The following IL1RAPL2 variants were observed in gnomAD, a reference collection of about 807,000 sequenced individuals.
IL1RAPL2 encodes the protein interleukin 1 receptor accessory protein like 2.
IL1RAPL2 carries 3 observed loss-of-function variants against 44.1 expected under a neutral mutation model. The ratio of observed to expected loss-of-function variants is 0.07; its 90% CI spans 0.03 to 0.18. IL1RAPL2 has a LOEUF of 0.18. Among genes scored for constraint, IL1RAPL2 ranks in the 10% least tolerant of loss-of-function variants. The pLI is 1.00. For synonymous variants in IL1RAPL2, 181 were observed against 178.8 expected, an observed-to-expected ratio of 1.01 and a Z score of -0.10; for missense variants, 391 against 496.4, an observed-to-expected ratio of 0.79 and a Z score of 2.02.
chrX:105,348,256 G>T (rs2035126195), intron 5 of IL1RAPL2, among the ~76,000 whole-genome samples: 1 of 111,260 alleles, frequency 9.0e-6, no homozygotes. Flanking sequence ...TCTAGCTAGA[G>T]CCTTTCCTTT....
intron 6 of IL1RAPL2, among the ~76,000 whole-genome samples, chrX:105,559,195 A>C (rs2036915973): frequency 8.9e-6 from 1 of 112,277 alleles, no homozygotes; most frequent in Non-Finnish European, 1.9e-5. Context: ...CCAATGCTGC[A>C]GGTGTGATTC....
At chrX:104,783,752 C>T (rs1602725689) in intron 2 of IL1RAPL2, among the ~76,000 whole-genome samples, 1 of 107,511 alleles carries the variant, frequency 9.3e-6, no homozygotes, top group Admixed American at 1.0e-4. Context: ...GTACACTGCT[C>T]CCAAGTCATA....
intron 5 of IL1RAPL2, among the ~76,000 whole-genome samples, chrX:105,408,779 A>G (rs1337782533): frequency 9.0e-6 from 1 of 111,079 alleles, no homozygotes; most frequent in Non-Finnish European, 1.9e-5. Context: ...GAAATAACCT[A>G]AAACTGCAGA....
chrX:105,718,580 C>A (rs2038276199), intron 7 of IL1RAPL2, among the ~76,000 whole-genome samples: 1 of 111,086 alleles, frequency 9.0e-6, no homozygotes, highest in African/African-American at 3.3e-5. Context: ...CCACATGATA[C>A]CACTTTATAC....
chrX:105,501,411 G>A (rs2036393994), intron 6 of IL1RAPL2, among the ~76,000 whole-genome samples: 1 of 110,960 alleles, frequency 9.0e-6, no homozygotes, highest in African/African-American at 3.3e-5. Context: ...ATTGTGTGTG[G>A]CCAGGTGTTT....
At chrX:105,662,121 T>G (rs894348490) in intron 6 of IL1RAPL2, among the ~76,000 whole-genome samples, 1 of 112,372 alleles carries the variant, frequency 8.9e-6, no homozygotes, top group South Asian at 3.7e-4. Flanking sequence ...CAATCAGTGT[T>G]TATCTCTCAT....
Position 105,329,438 on chromosome X carries a change from T to C in IL1RAPL2, c.697+61897T>C, listed in dbSNP as rs149611956. Among the ~76,000 whole-genome samples the C allele has an allele frequency of 8.8e-3, 987 of 112,085 alleles. 14 individuals are homozygous for C. The highest frequency in any genetic ancestry group is 0.029 in the African/African-American group (906 of 30,895). On this transcript the variant is annotated intron_variant, in intron 5 of 10. Coordinates refer to ENST00000372582, the MANE Select transcript of IL1RAPL2 (RefSeq NM_017416.2). ...ATTCCTATTCCAGTGATTATTCTAT[T>C]TCCTGTTCTGTTTCTTAAGTGTCTT... is the stretch of plus-strand genomic sequence containing the variant.
intron 2 of IL1RAPL2, among the ~76,000 whole-genome samples, chrX:104,738,756 G>T (rs1033094235): frequency 9.0e-6 from 1 of 111,229 alleles, no homozygotes; most frequent in Non-Finnish European, 1.9e-5. Context: ...CCTGGTCAAC[G>T]TGGTGAGACC....
intron 2 of IL1RAPL2, among the ~76,000 whole-genome samples, chrX:104,684,389 T>C (rs1930944679): frequency 8.9e-6 from 1 of 112,262 alleles, no homozygotes; most frequent in Admixed American, 9.4e-5. Flanking sequence ...AAGTTGGCTC[T>C]AGCTCATATG....
At chrX:105,421,556 T>C (rs959384313) in intron 5 of IL1RAPL2, among the ~76,000 whole-genome samples, 3 of 111,541 alleles carry the variant, frequency 2.7e-5, no homozygotes, top group African/African-American at 9.8e-5. Context: ...GGGTAGGTCC[T>C]GAGTTATTAG....
chrX:104,727,796 A>AT lies in IL1RAPL2; in HGVS notation c.82+68813dup, dbSNP rs529219956. On this transcript the variant is annotated intron_variant, in intron 2 of 10. Transcript: ENST00000372582. The stretch of plus-strand genomic sequence containing the variant: ...GCAGCAGAATGAATTTTGTTTTTGG[A>AT]TTTTTTTTTTTTGCAGCAACATGGA... Among the ~76,000 whole-genome samples the AT allele has an allele frequency of 4.7e-3, 492 of 103,743 alleles. 3 individuals are homozygous for AT. The highest frequency in any genetic ancestry group is 0.032 in the South Asian group (76 of 2,403). 90.1% of individuals were successfully genotyped at this position (103,743 alleles called of 115,157 possible).
At chrX:105,444,302 C>G (rs1052307012) in intron 5 of IL1RAPL2, among the ~76,000 whole-genome samples, 2 of 111,239 alleles carry the variant, frequency 1.8e-5, no homozygotes, top group Admixed American at 1.9e-4. Context: ...TGTCTTTTCA[C>G]CTTGTTGATT....
chrX:105,488,184 G>A (rs1380723254), intron 6 of IL1RAPL2, among the ~76,000 whole-genome samples: 2 of 111,877 alleles, frequency 1.8e-5, no homozygotes, highest in African/African-American at 6.5e-5. Flanking sequence ...ATCTGGGTTG[G>A]CCGTCGGGAC....
At position 104,622,753 on chromosome X, in the gene IL1RAPL2, G is replaced by A. The variant is rs751771760; in HGVS notation, c.-19-36142G>A. 2.7e-5 allele frequency among the ~76,000 whole-genome samples: 3 copies of A among 111,778 alleles called. No homozygotes were observed. The South Asian group carries it at 1.1e-3, about 42-fold the overall frequency. On this transcript the variant is annotated intron_variant, in intron 1 of 10. Transcript: ENST00000372582. ...CCTCAGTGCTATGCTCAATTTAGTTGAGTGAGGTTGCTTATGGGGTACCAA... is the reference window on the plus strand; with the variant it reads ...CCTCAGTGCTATGCTCAATTTAGTTAAGTGAGGTTGCTTATGGGGTACCAA...
At chrX:104,583,338 A>T (rs1370202672) in intron 1 of IL1RAPL2, among the ~76,000 whole-genome samples, 1 of 111,720 alleles carries the variant, frequency 9.0e-6, no homozygotes, top group African/African-American at 3.3e-5. Context: ...ACAGTTTTAG[A>T]TATTTTTATC....
intron 6 of IL1RAPL2, among the ~76,000 whole-genome samples, chrX:105,533,587 T>A (rs1422719882): frequency 8.9e-6 from 1 of 112,155 alleles, no homozygotes; most frequent in East Asian, 2.8e-4. Context: ...TCAAAGACCC[T>A]CTTTATAGCC....
At chrX:105,372,660 T>A (rs1358426624) in intron 5 of IL1RAPL2, among the ~76,000 whole-genome samples, 1 of 111,010 alleles carries the variant, frequency 9.0e-6, no homozygotes, top group Non-Finnish European at 1.9e-5. Flanking sequence ...GGCCCCAGCA[T>A]CTGTTGTTCC....
At chrX:105,282,681 T>C (rs1424126453) in intron 5 of IL1RAPL2, among the ~76,000 whole-genome samples, 2 of 111,680 alleles carry the variant, frequency 1.8e-5, no homozygotes, top group Non-Finnish European at 1.9e-5. Context: ...GTCCTTTGCA[T>C]TGGAGCTCAT....
At chrX:105,337,093 TA>T (rs2035034131) in intron 5 of IL1RAPL2, among the ~76,000 whole-genome samples, 1 of 112,152 alleles carries the variant, frequency 8.9e-6, no homozygotes, top group Non-Finnish European at 1.9e-5. Context: ...TAACATCCTC[TA>T]AAATGAACAT....
Sources: gnomAD v4.1 joint callset for allele counts (sites outside exome capture counted in the v4.1 genomes callset) on GRCh38, gnomAD v4.1.1 for gene constraint, MANE v1.5 for transcripts, NCBI Gene and HGNC (gene_info 2026-07-23, HGNC 2026-07-21) for gene names.